MEIOB: variants seen among roughly 807,000 people sequenced by gnomAD.
MEIOB encodes meiosis specific with OB-fold, also known as meiosis-specific with OB domain-containing protein.
A neutral mutation model predicts 53.1 loss-of-function variants in MEIOB; 50 were observed. That is an observed-to-expected ratio of 0.94 (90% CI 0.75 to 1.19). The LOEUF is 1.19. MEIOB is among the 50% of genes most tolerant of loss of function. The pLI, the probability that MEIOB is intolerant of heterozygous loss-of-function variation, is 0.00. For missense variants in MEIOB, 551 were observed against 550.8 expected (o/e 1.00, Z 0.00); for synonymous variants, 192 against 182.5 (o/e 1.05, Z -0.42).
intron 10 of MEIOB, among the ~76,000 whole-genome samples, chr16:1,842,623 C>G (rs868290615): frequency 1.0e-5 from 1 of 97,776 alleles, no homozygotes; most frequent in African/African-American, 4.1e-5. Flanking sequence ...AACTCCATCT[C>G]AAAAAGACAG....
At chr16:1,851,285 C>G (rs187840313) in intron 9 of MEIOB, among the ~76,000 whole-genome samples, 1 of 152,202 alleles carries the variant, frequency 6.6e-6, no homozygotes, top group Non-Finnish European at 1.5e-5. Flanking sequence ...CACATAGGCA[C>G]AGGGCTTTCC....
At chr16:1,848,733 G>T (rs1467081675) in intron 9 of MEIOB, among the ~76,000 whole-genome samples, 1 of 151,774 alleles carries the variant, frequency 6.6e-6, no homozygotes, top group Non-Finnish European at 1.5e-5. Flanking sequence ...TAGTAGAGAT[G>T]ATATTTCACC....
At chr16:1,865,980 T>C (rs999980038) in intron 2 of MEIOB, 145 bp from the exon 3 acceptor site, 3 of 600,374 alleles carry the variant, frequency 5.0e-6, no homozygotes, top group Admixed American at 3.4e-5. Flanking sequence ...CAGGCAAACA[T>C]CTAAAAGAAG....
At chr16:1,851,362 C>T (rs556148097) in intron 9 of MEIOB, among the ~76,000 whole-genome samples, 66 of 152,268 alleles carry the variant, frequency 4.3e-4, no homozygotes, top group African/African-American at 1.4e-3. Context: ...GCAGCGTGCC[C>T]GACCACCTTG....
chr16:1,841,809 C>G lies in MEIOB; in HGVS notation c.1034+11G>C, dbSNP rs774340382. ...AAAAATGAATTTGCTAAAAGTGACA[C>G]GGATCCTTACCATCTATTTCGAACT... On this transcript the variant is annotated intron_variant, in intron 11 of 13. Coordinates refer to ENST00000325962, the MANE Select transcript of MEIOB (RefSeq NM_001163560.3). The G allele has an allele frequency of 2.0e-6, 3 of 1,519,776 alleles. No individual in the cohort carries two copies. Among genetic ancestry groups the G allele is most frequent in the Non-Finnish European group, 2.6e-6 (3 of 1,132,994 alleles). 94.1% of individuals were successfully genotyped at this position (1,519,776 alleles called of 1,614,324 possible).
chr16:1,839,267 A>T lies in MEIOB; in HGVS notation c.1206T>A (p.Thr402=), dbSNP rs1898833861. 6.2e-7 allele frequency: 1 copy of T among 1,606,934 alleles called. No homozygotes were observed. The highest frequency in any genetic ancestry group is 8.5e-7 in the Non-Finnish European group (1 of 1,177,230). Residue 402 remains threonine, a synonymous_variant, in exon 12 of 14, where the codon ACT becomes ACA. Coordinates refer to ENST00000325962, the MANE Select transcript of MEIOB (RefSeq NM_001163560.3). ...CSLTGSVAEE[T]LGCTVHEFLA... ...TTTTGCTATTTACCGTGCAGCCCAA[A>T]GTCTCCTCAGCAACACTTCCTGTGA...
intron 11 of MEIOB, among the ~76,000 whole-genome samples, chr16:1,840,422 G>A (rs1446375773): frequency 2.0e-5 from 3 of 152,160 alleles, no homozygotes; most frequent in Non-Finnish European, 4.4e-5. Flanking sequence ...GAACCTGGAG[G>A]AATCTGAATA....
intron 13 of MEIOB, chr16:1,837,569 G>C: frequency 2.8e-6 from 1 of 353,274 alleles, no homozygotes; most frequent in East Asian, 4.6e-5. Flanking sequence ...TTCTTTGTTG[G>C]TCTATTTTCT....
Position 1,848,126 on chromosome 16 carries a change from T to G in MEIOB, c.779-3163A>C, listed in dbSNP as rs1254133503. ...CCATGCCCAGCTATTTTTTTTTAAT[T>G]TTTTGTAGAGATGGAGTCTCACTTA... On this transcript the variant is annotated intron_variant, in intron 9 of 13. Transcript: ENST00000325962. 2.7e-5 allele frequency among the ~76,000 whole-genome samples: 4 copies of G among 150,538 alleles called. No homozygotes were observed. In the Admixed American group the frequency reaches 2.7e-4, roughly 10 times the overall value.
chr16:1,863,957 C>T (rs944341040), intron 3 of MEIOB, among the ~76,000 whole-genome samples: 3 of 151,960 alleles, frequency 2.0e-5, no homozygotes, highest in African/African-American at 7.3e-5. Flanking sequence ...CCAAGGAGTT[C>T]GAGACTGGGC....
chr16:1,846,520 A>G (rs1197055601), intron 9 of MEIOB, among the ~76,000 whole-genome samples: 2 of 152,190 alleles, frequency 1.3e-5, no homozygotes, highest in Admixed American at 6.6e-5. Context: ...TGATATAACT[A>G]TTTACAATAG....
chr16:1,856,243 C>T (rs1302117497), intron 6 of MEIOB, among the ~76,000 whole-genome samples: 1 of 151,126 alleles, frequency 6.6e-6, no homozygotes, highest in Non-Finnish European at 1.5e-5. Flanking sequence ...GCAACCTCCA[C>T]CTTCCAGGTT....
At position 1,853,121 on chromosome 16, in the gene MEIOB, T is replaced by C. The variant is rs201399419; in HGVS notation, c.696A>G (p.Ser232=). 5 of 1,611,564 alleles carry C rather than the reference T, an allele frequency of 3.1e-6. No individual in the cohort carries two copies. Among genetic ancestry groups the C allele is most frequent in the Admixed American group, 1.7e-5 (1 of 59,906 alleles). Residue 232 remains serine, a synonymous_variant, in exon 9 of 14, where the codon TCA becomes TCG. Coordinates refer to ENST00000325962, the MANE Select transcript of MEIOB (RefSeq NM_001163560.3). ...WMPRETVIFA[S]DVRINFDKFR... is the part of the protein sequence containing the mutation. ...ATTTGTCAAAATTTATTCTTACATCTGAGGCAAATATTACTGTTTGGGAAA... is the reference window on the plus strand; with the variant it reads ...ATTTGTCAAAATTTATTCTTACATCCGAGGCAAATATTACTGTTTGGGAAA...
intron 13 of MEIOB, among the ~76,000 whole-genome samples, chr16:1,836,747 A>G (rs1251845405): frequency 6.6e-6 from 1 of 152,140 alleles, no homozygotes; most frequent in Non-Finnish European, 1.5e-5. Flanking sequence ...CATGAGATGA[A>G]AACTAATTTC....
At chr16:1,857,238 C>T (rs181609250) in intron 6 of MEIOB, among the ~76,000 whole-genome samples, 113 of 152,288 alleles carry the variant, frequency 7.4e-4, no homozygotes, top group African/African-American at 2.3e-3. Context: ...GCCATCCTCC[C>T]GTGCACCTCA....
At chr16:1,864,779 G>A (rs1899542794) in intron 3 of MEIOB, among the ~76,000 whole-genome samples, 1 of 151,956 alleles carries the variant, frequency 6.6e-6, no homozygotes, top group Admixed American at 6.6e-5. Context: ...TGACCACTGT[G>A]CCTGGCAAAA....
chr16:1,848,682 A>C (rs1465130431), intron 9 of MEIOB, among the ~76,000 whole-genome samples: 1 of 151,802 alleles, frequency 6.6e-6, no homozygotes, highest in Non-Finnish European at 1.5e-5. Context: ...AGCTGGGACT[A>C]TAGGCACCAT....
intron 9 of MEIOB, among the ~76,000 whole-genome samples, chr16:1,846,760 T>C (rs899765429): frequency 3.4e-5 from 5 of 148,442 alleles, no homozygotes; most frequent in Admixed American, 6.7e-5. Context: ...TGAGATAACA[T>C]GGACACAGGG....
intron 10 of MEIOB, 145 bp downstream of exon 10, chr16:1,844,717 G>A (rs945190667): frequency 3.9e-6 from 2 of 515,576 alleles, no homozygotes; most frequent in East Asian, 7.1e-5. Context: ...AGAAAAAGAT[G>A]CCCACTATTT....
Sources: gnomAD v4.1 joint callset for allele counts (sites outside exome capture counted in the v4.1 genomes callset) on GRCh38, gnomAD v4.1.1 for gene constraint, MANE v1.5 for transcripts, NCBI Gene and HGNC (gene_info 2026-07-23, HGNC 2026-07-21) for gene names.